C10orf90: variants seen among roughly 807,000 people sequenced by gnomAD.
C10orf90 encodes (E2-independent) E3 ubiquitin-conjugating enzyme FATS.
C10orf90 carries 56 observed loss-of-function variants against 62.5 expected under a neutral mutation model. That is an observed-to-expected ratio of 0.90 (90% CI 0.72 to 1.12). The LOEUF (loss-of-function observed/expected upper bound fraction) is 1.12, where lower values mean the gene tolerates loss of function less well. C10orf90 is among the 50% of genes most tolerant of loss of function. The pLI is 0.00. For missense variants in C10orf90, 970 were observed against 880.4 expected, an observed-to-expected ratio of 1.10 and a Z score of -1.29; for synonymous variants, 386 against 340.4, an observed-to-expected ratio of 1.13 and a Z score of -1.47.
intron 2 of C10orf90, among the ~76,000 whole-genome samples, chr10:126,629,915 T>C (rs1197227924): frequency 3.9e-5 from 6 of 152,198 alleles, no homozygotes; most frequent in Non-Finnish European, 8.8e-5. Flanking sequence ...ACCCCAATGA[T>C]CATCTGTAAA....
intron 4 of C10orf90, among the ~76,000 whole-genome samples, chr10:126,490,760 C>A (rs183050343): frequency 6.6e-6 from 1 of 151,682 alleles, no homozygotes; most frequent in African/African-American, 2.4e-5. Flanking sequence ...TTTGAAAATC[C>A]CCACAGCTAA....
intron 2 of C10orf90, among the ~76,000 whole-genome samples, chr10:126,555,999 T>G (rs997286373): frequency 6.6e-6 from 1 of 152,252 alleles, no homozygotes; most frequent in African/African-American, 2.4e-5. Flanking sequence ...GGTGAACACC[T>G]GTGAATTTGT....
At chr10:126,613,994 C>T (rs549584961) in intron 2 of C10orf90, among the ~76,000 whole-genome samples, 18 of 152,298 alleles carry the variant, frequency 1.2e-4, no homozygotes, top group Admixed American at 4.6e-4. Flanking sequence ...ATGCCACTCC[C>T]CTTCCTTAAA....
At chr10:126,479,821 A>AAC (rs1449433585) in intron 4 of C10orf90, among the ~76,000 whole-genome samples, 3 of 152,248 alleles carry the variant, frequency 2.0e-5, no homozygotes, top group Non-Finnish European at 4.4e-5. Context: ...AACAAAAAGG[A>AAC]ACCAGAGAGA....
rs1055336636 is a variant in C10orf90 at position 126,670,445 on chromosome 10, C to A, written c.36G>T (p.Pro12=). ...QHSGIPTKTH[P]QGYAARYTET... is the part of the protein sequence containing the mutation. ...CTGTGTAGCGGGCAGCATACCCCTGCGGATGAGTTTTTGTAGGAATTCCAG... is the reference window on the plus strand; with the variant it reads ...CTGTGTAGCGGGCAGCATACCCCTGAGGATGAGTTTTTGTAGGAATTCCAG... Residue 12 remains proline, a synonymous_variant, in exon 1 of 10, where the codon CCG becomes CCT. Coordinates refer to ENST00000488181, the MANE Select transcript of C10orf90 (RefSeq NM_001350921.2). The A allele has an allele frequency of 4.8e-5, 22 of 456,656 alleles. No homozygotes were observed. In the East Asian group the frequency reaches 1.5e-3, roughly 32 times the overall value. 28.3% of individuals were successfully genotyped at this position (456,656 alleles called of 1,614,324 possible).
chr10:126,642,807 T>C (rs1178031785), intron 2 of C10orf90, among the ~76,000 whole-genome samples: 1 of 152,124 alleles, frequency 6.6e-6, no homozygotes, highest in Admixed American at 6.5e-5. Context: ...TGAGGTCACA[T>C]TGACCTCTCA....
In C10orf90 at chr10:126,575,874, G is replaced by A. The variant is rs375142981; in HGVS notation, c.314-61935C>T. Among the ~76,000 whole-genome samples the A allele has an allele frequency of 1.5e-4, 23 of 152,172 alleles. No individual in the cohort carries two copies. The East Asian group carries it at 4.1e-3, about 27-fold the overall frequency. Reference sequence around the variant, plus strand: ...TGGAAAAACTGAGTCACTATAGGCAGAAGAATGAAACTACGTTCCAACCTC... The same window carrying A: ...TGGAAAAACTGAGTCACTATAGGCAAAAGAATGAAACTACGTTCCAACCTC... On this transcript the variant is annotated intron_variant, in intron 2 of 9. Coordinates refer to ENST00000488181, the MANE Select transcript of C10orf90 (RefSeq NM_001350921.2).
At chr10:126,522,580 A>C (rs1270190171) in intron 2 of C10orf90, 1 of 152,204 alleles carries the variant, frequency 6.6e-6, no homozygotes, top group Non-Finnish European at 1.5e-5. Context: ...GCTAAAACGC[A>C]TTGCACGTTT....
chr10:126,581,361 A>T (rs983721656), intron 2 of C10orf90, among the ~76,000 whole-genome samples: 1 of 152,212 alleles, frequency 6.6e-6, no homozygotes, highest in East Asian at 1.9e-4. Flanking sequence ...TCCTAGGAAC[A>T]CATCATTGAT....
chr10:126,475,547 T>C (rs187186989), intron 4 of C10orf90, among the ~76,000 whole-genome samples: 4 of 152,356 alleles, frequency 2.6e-5, no homozygotes, highest in Admixed American at 2.6e-4. Context: ...AGCTGTTTCC[T>C]GGCAATAATT....
chr10:126,464,509 C>T lies in C10orf90; in HGVS notation c.1825+187G>A, dbSNP rs147631893. Among the ~76,000 whole-genome samples, 106 of 152,320 alleles carry T rather than the reference C, an allele frequency of 7.0e-4. No homozygotes were observed. The East Asian group carries it at 0.02, about 28-fold the overall frequency. ...TTGAAAATCCCCGACCCACATAGGGCTGCCTCCTGGGTGCTTGGGAGCTTC... is the reference window on the plus strand; with the variant it reads ...TTGAAAATCCCCGACCCACATAGGGTTGCCTCCTGGGTGCTTGGGAGCTTC... On this transcript the variant is annotated intron_variant, in intron 5 of 9. Transcript: ENST00000488181.
chr10:126,637,152 C>A (rs976130752), intron 2 of C10orf90, among the ~76,000 whole-genome samples: 1 of 152,136 alleles, frequency 6.6e-6, no homozygotes, highest in South Asian at 2.1e-4. Flanking sequence ...TGGGGCCAGG[C>A]AACACCAGGA....
chr10:126,557,136 A>T (rs1229939402), intron 2 of C10orf90, among the ~76,000 whole-genome samples: 2 of 152,040 alleles, frequency 1.3e-5, no homozygotes, highest in Non-Finnish European at 2.9e-5. Context: ...AATAGTCAAG[A>T]CATATGGATG....
chr10:126,432,632 A>G (rs1857656232), intron 7 of C10orf90, among the ~76,000 whole-genome samples: 1 of 152,152 alleles, frequency 6.6e-6, no homozygotes, highest in Non-Finnish European at 1.5e-5. Context: ...GATCTGGGAG[A>G]AGGGCACAGT....
chr10:126,470,072 T>C (rs771999778), intron 4 of C10orf90: 31 of 454,808 alleles, frequency 6.8e-5, no homozygotes, highest in Admixed American at 1.2e-4. Flanking sequence ...GGTGTTCTTC[T>C]GCATGTTGCA....
chr10:126,536,409 A>G (rs958203162), intron 2 of C10orf90, among the ~76,000 whole-genome samples: 1 of 152,156 alleles, frequency 6.6e-6, no homozygotes, highest in Non-Finnish European at 1.5e-5. Flanking sequence ...TTTCCTGACT[A>G]CTGCGTACTA....
chr10:126,490,041 T>TA lies in C10orf90; in HGVS notation c.1534+13915dup, dbSNP rs1336871345. ...TATATAATATATAATATATAATATA[T>TA]ATTATATATTATGTTATATAATATA... On this transcript the variant is annotated intron_variant, in intron 4 of 9. Coordinates refer to ENST00000488181, the MANE Select transcript of C10orf90 (RefSeq NM_001350921.2). Among the ~76,000 whole-genome samples, 320 of 97,844 alleles carry TA rather than the reference T, an allele frequency of 3.3e-3. 1 individual carries two copies. The highest frequency in any genetic ancestry group is 0.011 in the African/African-American group (288 of 26,456). 64.2% of individuals were successfully genotyped at this position (97,844 alleles called of 152,430 possible).
intron 2 of C10orf90, chr10:126,521,297 A>T (rs536832799): frequency 1.2e-6 from 2 of 1,613,860 alleles, no homozygotes; most frequent in African/African-American, 2.7e-5. Flanking sequence ...ATTAGAACAT[A>T]CCTTCTCCAG....
intron 7 of C10orf90, among the ~76,000 whole-genome samples, chr10:126,430,818 G>A (rs1157460913): frequency 1.3e-5 from 2 of 152,168 alleles, no homozygotes; most frequent in Non-Finnish European, 2.9e-5. Context: ...TCCAACCCAG[G>A]CCTGTCCCTT....
Sources: gnomAD v4.1 joint callset for allele counts (sites outside exome capture counted in the v4.1 genomes callset) on GRCh38, gnomAD v4.1.1 for gene constraint, MANE v1.5 for transcripts, NCBI Gene and HGNC (gene_info 2026-07-23, HGNC 2026-07-21) for gene names.